Variants in PRPF6 observed in about 807,000 individuals in gnomAD.
The protein encoded by PRPF6 is pre-mRNA processing factor 6.
In PRPF6, 42 loss-of-function variants were observed where a neutral mutation model predicts 118.3. The ratio of observed to expected loss-of-function variants is 0.35; its 90% CI spans 0.28 to 0.46. The LOEUF (loss-of-function observed/expected upper bound fraction) is 0.46. Ranked by LOEUF, PRPF6 falls within the 20% of genes least tolerant of loss-of-function variation. The pLI is 1.00. For missense variants in PRPF6, 662 were observed against 1,255.7 expected, an observed-to-expected ratio of 0.53 and a Z score of 7.15; for synonymous variants, 481 against 485.1, an observed-to-expected ratio of 0.99 and a Z score of 0.11.
intron 9 of PRPF6, among the ~76,000 whole-genome samples, chr20:64,003,958 T>C (rs967650030): frequency 4.6e-5 from 7 of 152,354 alleles, no homozygotes; most frequent in African/African-American, 1.7e-4. Context: ...TCTGGGTTTG[T>C]AGAAATCAGT....
rs1286142793 is a variant in PRPF6, at chr20:63,983,068, G to T, written c.93G>T (p.Arg31=). The change falls in exon 2 of 21, where the codon CGG becomes CGT. Residue 31 remains arginine (R), a synonymous_variant. Coordinates refer to ENST00000266079, the MANE Select transcript of PRPF6 (RefSeq NM_012469.4). ...LGRGATGFTT[R]SDIGPARDAN... is the part of the protein sequence containing the mutation. ...GCAGCGCCACTGGCTTCACCACGCG[G>T]TCAGACATTGGGCCCGCCCGTGATG... is the stretch of plus-strand genomic sequence containing the variant. 22 of 1,614,082 alleles carry T rather than the reference G, an allele frequency of 1.4e-5. No individual in the cohort carries two copies. Among genetic ancestry groups the T allele is most frequent in the Non-Finnish European group, 1.9e-5 (22 of 1,180,046 alleles).
At chr20:64,024,441 C>T in intron 13 of PRPF6, 114 bp from the exon 14 acceptor site, 1 of 1,367,958 alleles carries the variant, frequency 7.3e-7, no homozygotes, top group Non-Finnish European at 1.0e-6. Context: ...TCATTTATAG[C>T]ATCGAACTTT....
rs11480797 is a variant in PRPF6, at chr20:63,992,659, CT to C, written c.360-738del. 2.5e-3 allele frequency among the ~76,000 whole-genome samples: 377 copies of C among 149,764 alleles called. 11 individuals carry two copies. In the South Asian group the frequency reaches 0.058, roughly 23 times the overall value. On this transcript the variant is annotated intron_variant, in intron 3 of 20. Transcript: ENST00000266079. ...GGAGGTATTTAGATCAAAGTAAGAT[CT>C]TTTTTTTTTATTTTAATGAATTTCT...
intron 19 of PRPF6, 30 bp from the exon 20 acceptor site, chr20:64,031,888 C>G: frequency 6.2e-7 from 1 of 1,613,946 alleles, no homozygotes; most frequent in Non-Finnish European, 8.5e-7. Flanking sequence ...CAGCCACTCA[C>G]TCTGGGTTCA....
At chr20:64,020,573 G>C (rs758868362) in intron 12 of PRPF6, among the ~76,000 whole-genome samples, 4 of 152,078 alleles carry the variant, frequency 2.6e-5, no homozygotes, top group Non-Finnish European at 4.4e-5. Flanking sequence ...CGCTGCAAAT[G>C]GTGACTGGCT....
At chr20:64,016,684 T>C (rs778601084) in intron 11 of PRPF6, 39 bp from the exon 12 acceptor site, 2 of 1,612,862 alleles carry the variant, frequency 1.2e-6, no homozygotes, top group African/African-American at 2.7e-5. Context: ...GCAGCTCTGA[T>C]TTCCAAAATC....
In PRPF6 at chr20:63,999,778, G is replaced by T; in HGVS notation, c.1023+19G>T. ...CCCCAAGGTGAGGTATTTCCTGGGAGGCGTTTCCTGGGAGGCTGCGTGATT... is the reference window on the plus strand; with the variant it reads ...CCCCAAGGTGAGGTATTTCCTGGGATGCGTTTCCTGGGAGGCTGCGTGATT... On this transcript the variant is annotated intron_variant, in intron 8 of 20. Coordinates refer to ENST00000266079, the MANE Select transcript of PRPF6 (RefSeq NM_012469.4). The T allele has an allele frequency of 6.2e-7, 1 of 1,611,904 alleles. No homozygotes were observed. Among genetic ancestry groups the T allele is most frequent in the Non-Finnish European group, 8.5e-7 (1 of 1,179,602 alleles).
At position 64,029,893 on chromosome 20, in the gene PRPF6, G is replaced by A. The variant is rs572263300; in HGVS notation, c.2546+402G>A. Among the ~76,000 whole-genome samples the A allele has an allele frequency of 2.0e-5, 3 of 150,214 alleles. No homozygotes were observed. In the East Asian group the frequency reaches 5.9e-4, roughly 29 times the overall value. ...TGTGATTCACACTGGTGCGCTGGCCGCCGGGTCAGAGACTCACTGGGGACA... is the reference window on the plus strand; with the variant it reads ...TGTGATTCACACTGGTGCGCTGGCCACCGGGTCAGAGACTCACTGGGGACA... On this transcript the variant is annotated intron_variant, in intron 19 of 20. Coordinates refer to ENST00000266079, the MANE Select transcript of PRPF6 (RefSeq NM_012469.4). This position sits in a 1 kb window ranked among gnomAD's most constrained non-coding sequence, Gnocchi z 4.8.
At chr20:64,001,357 A>G (rs750000914) in intron 9 of PRPF6, 118 bp downstream of exon 9, 70 of 1,274,858 alleles carry the variant, frequency 5.5e-5, no homozygotes, top group Non-Finnish European at 7.2e-5. Flanking sequence ...GACATTTTTC[A>G]GGCCTTTTCT....
intron 11 of PRPF6, among the ~76,000 whole-genome samples, chr20:64,016,279 C>T (rs751805406): frequency 9.2e-5 from 14 of 152,014 alleles, no homozygotes; most frequent in East Asian, 3.9e-4. Flanking sequence ...CCCACCACCA[C>T]GCCTGGCTAA....
At position 64,027,196 on chromosome 20, in the gene PRPF6, C is replaced by T. The variant is rs765332371; in HGVS notation, c.2205+38C>T. On this transcript the variant is annotated intron_variant, in intron 16 of 20. Transcript: ENST00000266079. This position sits in a 1 kb window ranked among gnomAD's most constrained non-coding sequence, Gnocchi z 6.5. ...CTGCACCCTGGGGCTGCAGCTGACC[C>T]GGCATTCACAAAACTGAGCCCCCTG... is the stretch of plus-strand genomic sequence containing the variant. 1.1e-5 allele frequency: 18 copies of T among 1,609,552 alleles called. No homozygotes were observed. The highest frequency in any genetic ancestry group is 3.3e-5 in the South Asian group (3 of 90,714).
chr20:64,029,308 G>C lies in PRPF6; in HGVS notation c.2432-69G>C. 1 of 1,419,518 alleles carries C rather than the reference G, an allele frequency of 7.0e-7. No homozygotes were observed. Among genetic ancestry groups the C allele is most frequent in the Admixed American group, 1.7e-5 (1 of 59,748 alleles). The allele number at this position is 1,419,518 out of a possible 1,614,324, so 87.9% of individuals were successfully genotyped here. On this transcript the variant is annotated intron_variant, in intron 18 of 20. Transcript: ENST00000266079. The surrounding 1 kb of genome is among the most constrained non-coding windows in gnomAD (Gnocchi z 4.8). ...CTGAGGACGTCCCGGGTTAGAATCT[G>C]TAGGCTGGGCACCTTTCCGGAACCA...
intron 13 of PRPF6, 82 bp downstream of exon 13, chr20:64,022,960 T>TC: frequency 6.2e-7 from 1 of 1,600,002 alleles, no homozygotes; most frequent in South Asian, 1.1e-5. Context: ...AAACCTCTCA[T>TC]GTCTGCTCAT....
At chr20:63,987,458 C>T (rs2059099733) in intron 3 of PRPF6, among the ~76,000 whole-genome samples, 1 of 150,408 alleles carries the variant, frequency 6.6e-6, no homozygotes, top group Non-Finnish European at 1.5e-5. Flanking sequence ...CTGGGCAACA[C>T]AATGAGACTG....
rs1601534389 is a variant in PRPF6 at position 64,029,589 on chromosome 20, G to A, written c.2546+98G>A. 13 of 1,103,780 alleles carry A rather than the reference G, an allele frequency of 1.2e-5. No individual in the cohort carries two copies. The highest frequency in any genetic ancestry group is 6.4e-5 in the South Asian group (5 of 78,138). The allele number at this position is 1,103,780 out of a possible 1,614,324, so 68.4% of individuals were successfully genotyped here. Reference sequence around the variant, plus strand: ...CTTCCTGGTCATTGTAAAGATGCCCGGCAGCAGGGTGGGCTTCCCCGATCC... The same window carrying A: ...CTTCCTGGTCATTGTAAAGATGCCCAGCAGCAGGGTGGGCTTCCCCGATCC... On this transcript the variant is annotated intron_variant, in intron 19 of 20. Coordinates refer to ENST00000266079, the MANE Select transcript of PRPF6 (RefSeq NM_012469.4). The surrounding 1 kb of genome is among the most constrained non-coding windows in gnomAD (Gnocchi z 4.8).
intron 3 of PRPF6, among the ~76,000 whole-genome samples, chr20:63,987,119 G>C (rs1428048378): frequency 7.7e-6 from 1 of 129,642 alleles, no homozygotes; most frequent in Non-Finnish European, 1.6e-5. Context: ...GCAGTGAGCT[G>C]AGATCATACC....
At chr20:64,024,753 T>C in intron 14 of PRPF6, 60 bp downstream of exon 14, 2 of 1,581,394 alleles carry the variant, frequency 1.3e-6, no homozygotes, top group East Asian at 4.6e-5. Context: ...ACCTGGGTGC[T>C]GACTGGGGCC....
In PRPF6 at chr20:63,995,358, G is replaced by C. The variant is rs1470687090; in HGVS notation, c.647G>C (p.Gly216Ala). The C allele has an allele frequency of 6.2e-7, 1 of 1,613,666 alleles. No homozygotes were observed. Among genetic ancestry groups the C allele is most frequent in the East Asian group, 2.2e-5 (1 of 44,882 alleles). ...QFGGLNTPYP[G>A]GLNTPYPGGM... is the part of the protein sequence containing the mutation. Reference sequence around the variant, plus strand: ...GGAGGTCTTAACACACCCTATCCAGGTGGACTAAACACTCCATACCCAGGT... The same window carrying C: ...GGAGGTCTTAACACACCCTATCCAGCTGGACTAAACACTCCATACCCAGGT... Residue 216 changes from glycine (G) to alanine (A), a missense_variant, in exon 6 of 21, where the codon GGT becomes GCT. Around this residue, in one of 10 missense-constraint regions of PRPF6, gnomAD observed 97 missense variants for 122.6 expected, o/e 0.79. Transcript: ENST00000266079.
At chr20:64,002,772 G>C (rs2059173725) in intron 9 of PRPF6, among the ~76,000 whole-genome samples, 1 of 149,792 alleles carries the variant, frequency 6.7e-6, no homozygotes, top group Non-Finnish European at 1.5e-5. Context: ...GCCTTCTGAG[G>C]AGCTGGGACT....
Sources: allele counts gnomAD v4.1 joint callset (sites outside exome capture counted in the v4.1 genomes callset), GRCh38; gene constraint gnomAD v4.1.1; regional missense constraint gnomAD v4.1.1; non-coding constraint Gnocchi (gnomAD v3.1); transcripts MANE v1.5; gene names NCBI Gene and HGNC (gene_info 2026-07-23, HGNC 2026-07-21).